Variants in TULP1 observed in about 807,000 individuals in gnomAD.
TULP1 encodes TUB like protein 1.
In TULP1, 50 loss-of-function variants were observed where a neutral mutation model predicts 67.1. The observed-to-expected ratio is 0.75, with a 90% confidence interval of 0.59 to 0.94. The LOEUF (loss-of-function observed/expected upper bound fraction) is 0.94. TULP1 is among the 40% of genes least tolerant of loss of function. The probability of loss-of-function intolerance (pLI) is 0.00; values close to 1 mark genes in which losing one functional copy is unlikely to be tolerated. For missense variants in TULP1, 746 were observed against 734.1 expected, an observed-to-expected ratio of 1.02 and a Z score of -0.19; for synonymous variants, 297 against 294.0, an observed-to-expected ratio of 1.01 and a Z score of -0.11.
At position 35,512,207 on chromosome 6, in the gene TULP1, TG is replaced by T; in HGVS notation, c.162del (p.Thr55ArgfsTer54). 7.4e-7 allele frequency: 1 copy of T among 1,352,378 alleles called. No individual in the cohort carries two copies. 83.8% of individuals were successfully genotyped at this position (1,352,378 alleles called of 1,614,324 possible). A position where few individuals can be genotyped will look rare whatever the true frequency, so the allele number is the denominator to read the frequency against. ...CCGGGCTTCCGGGGCTTGGATCCCG[TG>T]GGGCAGGGGGATTCGGGGGCCTCCG... is the stretch of plus-strand genomic sequence containing the variant. ...KRTEAPESPC[P>X]TGSKPRKPGA... is the part of the protein sequence containing the mutation. On this transcript the variant is annotated frameshift_variant, in exon 3 of 15. Coordinates refer to ENST00000229771, the MANE Select transcript of TULP1 (RefSeq NM_003322.6). LOFTEE classifies it high-confidence loss of function.
At chr6:35,512,769 G>GC (rs772059393) in intron 1 of TULP1, 43 bp downstream of exon 1, 6 of 1,539,244 alleles carry the variant, frequency 3.9e-6, no homozygotes, top group African/African-American at 3.3e-5. Flanking sequence ...CTCCATCTAG[G>GC]CCCCCCAGGG....
chr6:35,500,948 C>T (rs938737059), intron 13 of TULP1, among the ~76,000 whole-genome samples: 11 of 152,214 alleles, frequency 7.2e-5, no homozygotes, highest in African/African-American at 2.7e-4. Context: ...ATGACTGGTG[C>T]CCTGCAGATC....
In TULP1 at chr6:35,505,797, G is replaced by T. The variant is rs1427462400; in HGVS notation, c.1056C>A (p.Ile352=). Residue 352 remains isoleucine, a synonymous_variant, in exon 11 of 15, where the codon ATC becomes ATA. Coordinates refer to ENST00000229771, the MANE Select transcript of TULP1 (RefSeq NM_003322.6). Reference sequence around the variant, plus strand: ...GGGACAGATTGGTAGGGTCGATGGAGATGAGGTAATTGGCTGTCTTGCTCC... The same window carrying T: ...GGGACAGATTGGTAGGGTCGATGGATATGAGGTAATTGGCTGTCTTGCTCC... ...RKRSKTANYL[I]SIDPTNLSRG... is the part of the protein sequence containing the mutation. The T allele has an allele frequency of 6.2e-7, 1 of 1,614,080 alleles. No individual in the cohort carries two copies. The highest frequency in any genetic ancestry group is 1.3e-5 in the African/African-American group (1 of 74,920).
chr6:35,500,224 A>C, intron 13 of TULP1, 72 bp from the exon 14 acceptor site: 1 of 1,548,476 alleles, frequency 6.5e-7, no homozygotes. Context: ...GACTGACCGG[A>C]GAAGGGGCCT....
intron 5 of TULP1, 50 bp from the exon 6 acceptor site, chr6:35,509,978 A>C: frequency 6.3e-7 from 1 of 1,578,128 alleles, no homozygotes; most frequent in Non-Finnish European, 8.7e-7. Context: ...ACTGGGGCTG[A>C]AGGCTGCCTT....
Position 35,509,375 on chromosome 6 carries a change from C to T in TULP1, c.719-63G>A, listed in dbSNP as rs7752728. On this transcript the variant is annotated intron_variant, in intron 7 of 14. Transcript: ENST00000229771. Reference sequence around the variant, plus strand: ...ACCCTGGTTTGCAAAGTGCTTCCAACACCCATGTCTCACTTGGATGCTCCC... The same window carrying T: ...ACCCTGGTTTGCAAAGTGCTTCCAATACCCATGTCTCACTTGGATGCTCCC... The T allele has an allele frequency of 0.78, 1,166,121 of 1,496,446 alleles. 455,091 individuals are homozygous for T. Among genetic ancestry groups the T allele is most frequent in the Admixed American group, 0.81 (48,658 of 59,846 alleles). The allele number at this position is 1,496,446 out of a possible 1,614,324, so 92.7% of individuals were successfully genotyped here.
chr6:35,504,230 T>G (rs1761036948), intron 11 of TULP1: 1 of 262,064 alleles, frequency 3.8e-6, no homozygotes, highest in African/African-American at 2.2e-5. Context: ...TCCCAGCTAC[T>G]CAGGAGGCTA....
intron 11 of TULP1, 56 bp downstream of exon 11, chr6:35,505,685 G>A (rs765644369): frequency 2.1e-5 from 34 of 1,603,246 alleles, no homozygotes; most frequent in East Asian, 4.5e-5. Flanking sequence ...CAGAGATGAC[G>A]GGCTATGGCC....
chr6:35,500,083 G>A lies in TULP1; in HGVS notation c.1393C>T (p.Pro465Ser). ...CCACTGTCATCGTTCCAGACAGGTGGCTTGTTGTGCAGTTCTATGAGGCTC... is the reference window on the plus strand; with the variant it reads ...CCACTGTCATCGTTCCAGACAGGTGACTTGTTGTGCAGTTCTATGAGGCTC... ...LESLIELHNK[P>S]PVWNDDSGSY... The change falls in exon 14 of 15, where the codon CCA (proline) becomes TCA (serine). Residue 465 changes from proline (P) to serine (S), a missense_variant. Physicochemically the swap from Pro to Ser is moderately conservative, Grantham distance 74. Coordinates refer to ENST00000229771, the MANE Select transcript of TULP1 (RefSeq NM_003322.6). The A allele has an allele frequency of 6.2e-7, 1 of 1,614,198 alleles. No homozygotes were observed. Among genetic ancestry groups the A allele is most frequent in the Non-Finnish European group, 8.5e-7 (1 of 1,180,026 alleles).
In TULP1 at chr6:35,509,716, G is replaced by A; in HGVS notation, c.636C>T (p.Ser212=). The A allele has an allele frequency of 2.5e-6, 4 of 1,614,060 alleles. No homozygotes were observed. The highest frequency in any genetic ancestry group is 3.4e-6 in the Non-Finnish European group (4 of 1,180,016). The change falls in exon 7 of 15, where the codon AGC becomes AGT. Residue 212 remains serine, a synonymous_variant. Transcript: ENST00000229771. The part of the protein sequence containing the change: ...SGEADKDPSG[S]PASARKSPAA... ...CTGGGCTCTTCCTCGCACTGGCTGG[G>A]CTCCCTGAGGGGTCCTTGTCGGCCT...
At chr6:35,511,516 G>T in intron 4 of TULP1, 132 bp downstream of exon 4, 1 of 1,404,874 alleles carries the variant, frequency 7.1e-7, no homozygotes, top group Non-Finnish European at 9.8e-7. Flanking sequence ...CTGGCTCAAA[G>T]ATAAGGCCAG....
Position 35,500,042 on chromosome 6 carries a change from G to T in TULP1, c.1434C>A (p.Asn478Lys), listed in dbSNP as rs770079177. 1 of 1,614,230 alleles carries T rather than the reference G, an allele frequency of 6.2e-7. No homozygotes were observed. Among genetic ancestry groups the T allele is most frequent in the Non-Finnish European group, 8.5e-7 (1 of 1,180,042 alleles). The change falls in exon 14 of 15, where the codon AAC (asparagine) becomes AAA (lysine). Residue 478 changes from asparagine (N) to lysine (K), a missense_variant. Physicochemically the swap from Asn to Lys is moderately conservative, Grantham distance 94. Around this residue, in one of 3 missense-constraint regions of TULP1, gnomAD observed 383 missense variants for 374.1 expected, o/e 1.02. Transcript: ENST00000229771. ...AGGCCTGGGTGACCCGGCCTTGGAAGTTGAGGGTGTAGGAGCCACTGTCAT... is the reference window on the plus strand; with the variant it reads ...AGGCCTGGGTGACCCGGCCTTGGAATTTGAGGGTGTAGGAGCCACTGTCAT... ...WNDDSGSYTL[N>K]FQGRVTQASV... is the part of the protein sequence containing the mutation.
rs1354544234 is a variant in TULP1, at chr6:35,500,051, G to A, written c.1425C>T (p.Tyr475=). 4 of 1,614,204 alleles carry A rather than the reference G, an allele frequency of 2.5e-6. No homozygotes were observed. The highest frequency in any genetic ancestry group is 2.5e-6 in the Non-Finnish European group (3 of 1,180,030). ...PPVWNDDSGS[Y]TLNFQGRVTQ... Reference sequence around the variant, plus strand: ...TGACCCGGCCTTGGAAGTTGAGGGTGTAGGAGCCACTGTCATCGTTCCAGA... The same window carrying A: ...TGACCCGGCCTTGGAAGTTGAGGGTATAGGAGCCACTGTCATCGTTCCAGA... Residue 475 remains tyrosine (Y), a synonymous_variant, in exon 14 of 15, where the codon TAC becomes TAT. Transcript: ENST00000229771.
intron 13 of TULP1, among the ~76,000 whole-genome samples, chr6:35,501,335 C>T (rs1760955336): frequency 6.6e-6 from 1 of 151,876 alleles, no homozygotes; most frequent in South Asian, 2.1e-4. Context: ...GACCCTGGCT[C>T]TACAAAAAAC....
chr6:35,512,569 C>G lies in TULP1; in HGVS notation c.99+70G>C, dbSNP rs1229977040. 1.9e-6 allele frequency: 3 copies of G among 1,606,248 alleles called. No homozygotes were observed. The African/African-American group carries it at 4.0e-5, about 21-fold the overall frequency. On this transcript the variant is annotated intron_variant, in intron 2 of 14. Transcript: ENST00000229771. ...AGGGGGACCTGTCCCACCCCTAGAC[C>G]CCCTACCCTGCGTGGGTTTACGCAC...
In TULP1 at chr6:35,512,754, C is replaced by A. The variant is rs920148331; in HGVS notation, c.47+58G>T. On this transcript the variant is annotated intron_variant, in intron 1 of 14. Coordinates refer to ENST00000229771, the MANE Select transcript of TULP1 (RefSeq NM_003322.6). ...TTCCCTCCCCATCCCACCCACTCCC[C>A]ATCCCTCCATCTAGGCCCCCCAGGG... 2.7e-5 allele frequency: 38 copies of A among 1,425,858 alleles called. No individual in the cohort carries two copies. In the Admixed American group the frequency reaches 7.4e-4, roughly 28 times the overall value. 88.3% of individuals were successfully genotyped at this position (1,425,858 alleles called of 1,614,324 possible).
At chr6:35,511,395 T>C (rs928047318) in intron 4 of TULP1, among the ~76,000 whole-genome samples, 1 of 152,162 alleles carries the variant, frequency 6.6e-6, no homozygotes, top group Non-Finnish European at 1.5e-5. Flanking sequence ...GGCTCCTAAC[T>C]GCTGGTTAAG....
chr6:35,504,841 C>T (rs182010583), intron 11 of TULP1, among the ~76,000 whole-genome samples: 2 of 152,134 alleles, frequency 1.3e-5, no homozygotes, highest in African/African-American at 4.8e-5. Flanking sequence ...GCTGGGATTA[C>T]AGGTGTGAGC....
In TULP1 at chr6:35,512,191, CG is replaced by C; in HGVS notation, c.178del (p.Arg60GlyfsTer49). The C allele has an allele frequency of 7.4e-7, 1 of 1,344,944 alleles. No homozygotes were observed. Among genetic ancestry groups the C allele is most frequent in the South Asian group, 2.3e-5 (1 of 43,038 alleles). The allele number at this position is 1,344,944 out of a possible 1,614,324, so 83.3% of individuals were successfully genotyped here. On this transcript the variant is annotated frameshift_variant, in exon 3 of 15. Transcript: ENST00000229771. LOFTEE classifies it high-confidence loss of function. ...ESPCPTGSKP[R>X]KPGAGRTGRP... ...TGCACCCCGCCCACCTCCGGGCTTCCGGGGCTTGGATCCCGTGGGGCAGGGG... is the reference window on the plus strand; with the variant it reads ...TGCACCCCGCCCACCTCCGGGCTTCCGGGCTTGGATCCCGTGGGGCAGGGG...
Sources: gnomAD v4.1 joint callset for allele counts (sites outside exome capture counted in the v4.1 genomes callset) on GRCh38, gnomAD v4.1.1 for gene constraint, gnomAD v4.1.1 regional missense constraint, MANE v1.5 for transcripts, NCBI Gene and HGNC (gene_info 2026-07-23, HGNC 2026-07-21) for gene names.